The following DOCK2 variants were observed in gnomAD, a reference collection of about 807,000 sequenced individuals.
The protein encoded by DOCK2 is dedicator of cytokinesis 2, also known as dedicator of cytokinesis protein 2.
A neutral mutation model predicts 248.9 loss-of-function variants in DOCK2; 87 were observed. The ratio of observed to expected loss-of-function variants is 0.35; its 90% CI spans 0.29 to 0.42. The LOEUF (loss-of-function observed/expected upper bound fraction) is 0.42. Among genes scored for constraint, DOCK2 ranks in the 10% least tolerant of loss-of-function variants. DOCK2 has a pLI of 1.00. For missense variants in DOCK2, 1,747 were observed against 2,300.2 expected, an observed-to-expected ratio of 0.76 and a Z score of 4.92; for synonymous variants, 805 against 821.6, an observed-to-expected ratio of 0.98 and a Z score of 0.35.
intron 22 of DOCK2, among the ~76,000 whole-genome samples, chr5:169,742,487 G>A (rs1055350319): frequency 4.6e-5 from 7 of 152,162 alleles, no homozygotes; most frequent in South Asian, 2.1e-4. Context: ...CTATTGCTTC[G>A]AAGAGTCAGA....
rs140672326 is a variant in DOCK2 at position 170,054,906 on chromosome 5, G to A, written c.4214-399G>A. ...CAAGTGGCCTGGCTTCTCTGGCCTC[G>A]AAGGGGACAATTTAGGTTAATAAGG... On this transcript the variant is annotated intron_variant, in intron 41 of 51. Transcript: ENST00000520908. 8.1e-3 allele frequency among the ~76,000 whole-genome samples: 1,231 copies of A among 152,290 alleles called. 15 individuals are homozygous for A. The highest frequency in any genetic ancestry group is 0.013 in the Non-Finnish European group (887 of 68,024).
intron 27 of DOCK2, among the ~76,000 whole-genome samples, chr5:169,934,183 C>T (rs13181166): frequency 0.24 from 36,258 of 151,992 alleles, 5,324 homozygotes; most frequent in East Asian, 0.43. Context: ...GGTACTGGGG[C>T]GGGGCTTATG....
At chr5:169,850,231 A>AT (rs1770552915) in intron 27 of DOCK2, among the ~76,000 whole-genome samples, 1 of 152,274 alleles carries the variant, frequency 6.6e-6, no homozygotes, top group South Asian at 2.1e-4. Context: ...GTTGGCAATA[A>AT]TTACTGTCTC....
At chr5:169,656,263 G>A (rs1185097102) in intron 2 of DOCK2, among the ~76,000 whole-genome samples, 2 of 151,844 alleles carry the variant, frequency 1.3e-5, no homozygotes, top group Non-Finnish European at 2.9e-5. Context: ...CCTCACATTT[G>A]CAGATGAGGA....
At chr5:169,810,694 C>G (rs1164951827) in intron 26 of DOCK2, among the ~76,000 whole-genome samples, 1 of 151,988 alleles carries the variant, frequency 6.6e-6, no homozygotes, top group African/African-American at 2.4e-5. Flanking sequence ...TTAAGAAAGA[C>G]TGGTCTCTTT....
chr5:169,940,193 T>A (rs1269710258), intron 27 of DOCK2, among the ~76,000 whole-genome samples: 1 of 152,226 alleles, frequency 6.6e-6, no homozygotes, highest in Non-Finnish European at 1.5e-5. Context: ...GACCTGCTGC[T>A]TTAACAATGA....
chr5:169,816,328 T>C (rs1427956222), intron 26 of DOCK2, among the ~76,000 whole-genome samples: 1 of 152,238 alleles, frequency 6.6e-6, no homozygotes, highest in Non-Finnish European at 1.5e-5. Context: ...CTAAGAGTTC[T>C]AGAATGGACA....
chr5:169,846,148 A>G (rs914676785), intron 27 of DOCK2, among the ~76,000 whole-genome samples: 1 of 152,192 alleles, frequency 6.6e-6, no homozygotes, highest in Non-Finnish European at 1.5e-5. Context: ...TGTGGTAAAC[A>G]CCATAAATGT....
chr5:170,016,614 T>G (rs1481778555), intron 32 of DOCK2, among the ~76,000 whole-genome samples: 1 of 152,230 alleles, frequency 6.6e-6, no homozygotes, highest in Admixed American at 6.5e-5. Context: ...TCAAAAGTAT[T>G]TAAGAAATCA....
chr5:169,772,721 T>A (rs1381959427), intron 25 of DOCK2, among the ~76,000 whole-genome samples: 1 of 152,238 alleles, frequency 6.6e-6, no homozygotes, highest in African/African-American at 2.4e-5. Context: ...TACCATTTAG[T>A]GCCTTAAAAA....
intron 30 of DOCK2, among the ~76,000 whole-genome samples, chr5:170,006,466 C>T (rs1197834715): frequency 1.3e-5 from 2 of 152,114 alleles, no homozygotes; most frequent in Admixed American, 1.3e-4. Context: ...GTGTGTGCCA[C>T]CATGCCCGGC....
intron 27 of DOCK2, among the ~76,000 whole-genome samples, chr5:169,949,977 C>T (rs1776594857): frequency 1.3e-5 from 2 of 152,046 alleles, no homozygotes; most frequent in South Asian, 4.1e-4. Context: ...TCACATTTAC[C>T]AGAAAAACAC....
chr5:169,887,898 G>T (rs1464688841), intron 27 of DOCK2, among the ~76,000 whole-genome samples: 1 of 152,120 alleles, frequency 6.6e-6, no homozygotes, highest in African/African-American at 2.4e-5. Flanking sequence ...ACTGTGCCTG[G>T]TCAATTTATG....
chr5:169,722,520 G>T (rs774067692), intron 22 of DOCK2, among the ~76,000 whole-genome samples: 12 of 152,292 alleles, frequency 7.9e-5, no homozygotes, highest in Non-Finnish European at 1.5e-4. Flanking sequence ...TGTTCATGCA[G>T]GACAGACAAT....
At chr5:169,640,621 G>A (rs1035807974) in intron 1 of DOCK2, among the ~76,000 whole-genome samples, 1 of 152,186 alleles carries the variant, frequency 6.6e-6, no homozygotes, top group African/African-American at 2.4e-5. Context: ...AGGCCTCCAA[G>A]GGCAGCAAAC....
intron 41 of DOCK2, among the ~76,000 whole-genome samples, chr5:170,053,848 C>A (rs527878089): frequency 1.7e-3 from 257 of 152,262 alleles, no homozygotes; most frequent in Non-Finnish European, 3.0e-3. Context: ...AGGTTTTGGT[C>A]ATTTCTTATG....
At position 169,763,471 on chromosome 5, in the gene DOCK2, G is replaced by A. The variant is rs898283436; in HGVS notation, c.2554+1846G>A. Among the ~76,000 whole-genome samples, 9 of 152,190 alleles carry A rather than the reference G, an allele frequency of 5.9e-5. No individual in the cohort carries two copies. The highest frequency in any genetic ancestry group is 1.3e-4 in the Non-Finnish European group (9 of 68,032). On this transcript the variant is annotated intron_variant, in intron 25 of 51. Transcript: ENST00000520908. The surrounding 1 kb of genome is among the most constrained non-coding windows in gnomAD (Gnocchi z 4.1). ...GAGCTGCTGTCATTGTCAGGGGCCC[G>A]GCTTGGCATCAAGGCCAGATGGAGT...
chr5:170,074,305 A>G (rs909888827), intron 46 of DOCK2, among the ~76,000 whole-genome samples: 1 of 150,242 alleles, frequency 6.7e-6, no homozygotes, highest in Non-Finnish European at 1.5e-5. Flanking sequence ...TTTCTTCCTT[A>G]TTTGCTTTCT....
chr5:169,654,058 GTTTC>G (rs753862956), intron 1 of DOCK2, among the ~76,000 whole-genome samples: 92 of 152,158 alleles, frequency 6.0e-4, no homozygotes, highest in Non-Finnish European at 1.1e-3. Context: ...GTATGCAGTT[GTTTC>G]TTTTTAATTG....
Sources: gnomAD v4.1 joint callset for allele counts (sites outside exome capture counted in the v4.1 genomes callset) on GRCh38, gnomAD v4.1.1 for gene constraint, Gnocchi (gnomAD v3.1) non-coding constraint, MANE v1.5 for transcripts, NCBI Gene and HGNC (gene_info 2026-07-23, HGNC 2026-07-21) for gene names.